Variants in SDHAF2 observed in about 807,000 individuals in gnomAD.
SDHAF2 encodes the protein succinate dehydrogenase assembly factor 2, mitochondrial.
SDHAF2 carries 21 observed loss-of-function variants against 18.5 expected under a neutral mutation model. The ratio of observed to expected loss-of-function variants is 1.13; its 90% CI spans 0.80 to 1.63. SDHAF2 has a LOEUF of 1.63. Among genes scored for constraint, SDHAF2 ranks in the 40% most tolerant of loss-of-function variants. The pLI is 0.00. For missense variants in SDHAF2, 195 were observed against 200.3 expected (o/e 0.97, Z 0.16); for synonymous variants, 84 against 70.7 (o/e 1.19, Z -0.94).
intron 1 of SDHAF2, chr11:61,434,754 G>A (rs1206743679): frequency 3.0e-5 from 4 of 134,668 alleles, no homozygotes; most frequent in African/African-American, 5.4e-5. Flanking sequence ...TTTTGAGACG[G>A]AGTCTCGCTC....
chr11:61,430,378 G>C, intron 1 of SDHAF2, 196 bp downstream of exon 1: 1 of 662,186 alleles, frequency 1.5e-6, no homozygotes, highest in Non-Finnish European at 2.6e-6. Context: ...CTGTGTGCCG[G>C]TCTGGAAATA....
At chr11:61,443,805 C>T (rs1205860281) in intron 3 of SDHAF2, among the ~76,000 whole-genome samples, 1 of 151,682 alleles carries the variant, frequency 6.6e-6, no homozygotes, top group African/African-American at 2.4e-5. Context: ...GACGGAGTCT[C>T]ACTCTGTCAC....
At chr11:61,440,107 G>A (rs1006356788) in intron 3 of SDHAF2, among the ~76,000 whole-genome samples, 3 of 152,146 alleles carry the variant, frequency 2.0e-5, no homozygotes, top group Non-Finnish European at 4.4e-5. Context: ...TTGAGGCCAG[G>A]AGTTCGAGAC....
At chr11:61,435,567 C>T (rs563886190) in intron 1 of SDHAF2, 1 of 152,302 alleles carries the variant, frequency 6.6e-6, no homozygotes, top group East Asian at 1.9e-4. Context: ...TTCCAAGGGC[C>T]TCTCAATCCT....
At chr11:61,441,437 C>T (rs549105764) in intron 3 of SDHAF2, among the ~76,000 whole-genome samples, 24 of 151,224 alleles carry the variant, frequency 1.6e-4, no homozygotes, top group Non-Finnish European at 2.9e-4. Context: ...AGGAGAATCT[C>T]TTAAACCAGG....
At chr11:61,433,741 TATAACC>T (rs1253154888) in intron 1 of SDHAF2, 1 of 152,256 alleles carries the variant, frequency 6.6e-6, no homozygotes, top group Non-Finnish European at 1.5e-5. Context: ...CTAGGGCTGC[TATAACC>T]TGTGTGGTTT....
rs1047808427 is a variant in SDHAF2, at chr11:61,446,237, T to G, written c.*166T>G. The G allele has an allele frequency of 4.1e-6, 3 of 740,144 alleles. No individual in the cohort carries two copies. In the Admixed American group the frequency reaches 6.2e-5, roughly 15 times the overall value. The allele number at this position is 740,144 out of a possible 1,614,324, so 45.8% of individuals were successfully genotyped here. On this transcript the variant is annotated 3_prime_UTR_variant, in exon 4 of 4. Coordinates refer to ENST00000301761, the MANE Select transcript of SDHAF2 (RefSeq NM_017841.4). ...CCCTCTCCTAGGACATACATGTAAATGCACAATGTGACTCATTCTCATACT... is the reference window on the plus strand; with the variant it reads ...CCCTCTCCTAGGACATACATGTAAAGGCACAATGTGACTCATTCTCATACT...
chr11:61,440,143 C>T (rs145385590), intron 3 of SDHAF2, among the ~76,000 whole-genome samples: 4 of 152,018 alleles, frequency 2.6e-5, no homozygotes, highest in Non-Finnish European at 5.9e-5. Context: ...GACAATACCC[C>T]GTCTCTACTA....
At chr11:61,434,731 AT>A (rs56160497) in intron 1 of SDHAF2, 87,326 of 114,636 alleles carry the variant, frequency 0.76, 32,894 homozygotes, top group East Asian at 0.94. Context: ...TAATTTTTTA[AT>A]TTTTTTTTTT....
At chr11:61,434,408 C>T (rs1861968616) in intron 1 of SDHAF2, 1 of 151,942 alleles carries the variant, frequency 6.6e-6, no homozygotes, top group South Asian at 2.1e-4. Flanking sequence ...AACTCCTTAC[C>T]TCAGGTGATC....
chr11:61,435,201 A>G (rs1342638351), intron 1 of SDHAF2: 1 of 152,114 alleles, frequency 6.6e-6, no homozygotes, highest in Admixed American at 6.6e-5. Context: ...GAATTTTTCA[A>G]TTCAGTTACT....
chr11:61,444,600 G>T (rs960491788), intron 3 of SDHAF2, among the ~76,000 whole-genome samples: 1 of 152,084 alleles, frequency 6.6e-6, no homozygotes, highest in Admixed American at 6.5e-5. Flanking sequence ...AAAATCAGCC[G>T]AGCGTGGTGG....
chr11:61,442,282 G>A (rs1565129836), intron 3 of SDHAF2, among the ~76,000 whole-genome samples: 1 of 152,142 alleles, frequency 6.6e-6, no homozygotes, highest in Non-Finnish European at 1.5e-5. Context: ...CACTTCTACC[G>A]CCAGCTCTTA....
chr11:61,436,574 T>C (rs1861996553), intron 1 of SDHAF2, among the ~76,000 whole-genome samples: 1 of 152,182 alleles, frequency 6.6e-6, no homozygotes, highest in Admixed American at 6.5e-5. Context: ...ATACATACTT[T>C]TCAGTCTTCT....
intron 1 of SDHAF2, chr11:61,432,613 T>A (rs1316326181): frequency 1.3e-5 from 2 of 152,216 alleles, no homozygotes; most frequent in Non-Finnish European, 2.9e-5. Context: ...TGCTTGCTGT[T>A]GCCGTTTTGT....
intron 1 of SDHAF2, chr11:61,432,897 A>G (rs1445514377): frequency 6.6e-6 from 1 of 151,902 alleles, no homozygotes; most frequent in Non-Finnish European, 1.5e-5. Flanking sequence ...ACATCTTTTT[A>G]TATTGTCTCC....
chr11:61,435,123 C>T (rs1443203444), intron 1 of SDHAF2: 5 of 152,228 alleles, frequency 3.3e-5, no homozygotes, highest in Admixed American at 3.3e-4. Context: ...CTCAAGCGAT[C>T]CTCCAGCCTC....
At chr11:61,433,567 AT>A (rs1290970819) in intron 1 of SDHAF2, 2 of 152,192 alleles carry the variant, frequency 1.3e-5, no homozygotes, top group Non-Finnish European at 2.9e-5. Context: ...CAATCATGTT[AT>A]TTTAGTATAG....
chr11:61,434,404 T>G (rs1296768913), intron 1 of SDHAF2: 1 of 152,128 alleles, frequency 6.6e-6, no homozygotes. Flanking sequence ...CTTGAACTCC[T>G]TACCTCAGGT....
Sources: allele counts gnomAD v4.1 joint callset (sites outside exome capture counted in the v4.1 genomes callset), GRCh38; gene constraint gnomAD v4.1.1; transcripts MANE v1.5; gene names NCBI Gene and HGNC (gene_info 2026-07-23, HGNC 2026-07-21).